CAPN14: variants seen among roughly 807,000 people sequenced by gnomAD.
The protein encoded by CAPN14 is calpain-14.
CAPN14 carries 94 observed loss-of-function variants against 101.3 expected under a neutral mutation model. That is an observed-to-expected ratio of 0.93 (90% CI 0.79 to 1.10). The LOEUF (loss-of-function observed/expected upper bound fraction) is 1.10, where lower values mean the gene tolerates loss of function less well. Ranked by LOEUF, CAPN14 falls within the 50% of genes least tolerant of loss-of-function variation. The pLI is 0.00. For synonymous variants in CAPN14, 338 were observed against 317.9 expected (o/e 1.06, Z -0.67); for missense variants, 837 against 828.4 (o/e 1.01, Z -0.13).
chr2:31,233,658 T>C (rs1369266132), intron 1 of CAPN14: 3 of 151,984 alleles, frequency 2.0e-5, no homozygotes, highest in Non-Finnish European at 4.4e-5. Flanking sequence ...AATAAGTAAA[T>C]GGGAACGATT....
intron 1 of CAPN14, among the ~76,000 whole-genome samples, chr2:31,226,905 T>C (rs1419293307): frequency 1.3e-5 from 2 of 152,064 alleles, no homozygotes; most frequent in South Asian, 2.1e-4. Flanking sequence ...GAGGGGAAAG[T>C]GAGTAGGATG....
At chr2:31,188,422 T>C (rs1419490418) in intron 13 of CAPN14, 68 bp from the exon 14 acceptor site, 2 of 1,411,190 alleles carry the variant, frequency 1.4e-6, no homozygotes, top group East Asian at 5.0e-5. Flanking sequence ...ATCTTCCCCT[T>C]CTCCTGGGAG....
intron 18 of CAPN14, 131 bp from the exon 19 acceptor site, chr2:31,177,952 T>C: frequency 2.9e-6 from 2 of 688,350 alleles, no homozygotes; most frequent in Non-Finnish European, 5.3e-6. Context: ...CAGGGCCTGT[T>C]GCCAGGATAA....
chr2:31,225,032 C>T (rs768270524), intron 2 of CAPN14, among the ~76,000 whole-genome samples: 7 of 151,478 alleles, frequency 4.6e-5, no homozygotes, highest in Non-Finnish European at 7.4e-5. Context: ...AGGTAATTGG[C>T]GAAACATTAA....
intron 1 of CAPN14, among the ~76,000 whole-genome samples, chr2:31,206,265 CG>C (rs572907811): frequency 1.3e-4 from 20 of 152,172 alleles, no homozygotes; most frequent in African/African-American, 4.3e-4. Context: ...AGCTGCGCTC[CG>C]GGTCAAGGGT....
intron 1 of CAPN14, among the ~76,000 whole-genome samples, chr2:31,212,061 C>T (rs1476719114): frequency 6.6e-6 from 1 of 152,096 alleles, no homozygotes; most frequent in Non-Finnish European, 1.5e-5. Context: ...CTCACGTCTG[C>T]AATCCCAGTA....
In CAPN14 at chr2:31,230,155, T is replaced by A. The variant is rs1683146190; in HGVS notation, c.-176-3504A>T. On this transcript the variant is annotated intron_variant and NMD_transcript_variant, in intron 1 of 21. Transcript: ENST00000398824. This position sits in a 1 kb window ranked among gnomAD's most constrained non-coding sequence, Gnocchi z 4.3. ...GGTGTTAAGTCTAGTAACCAATAGTTCTTGCTTTTTGTTCCTCTCCTTCCT... is the reference window on the plus strand; with the variant it reads ...GGTGTTAAGTCTAGTAACCAATAGTACTTGCTTTTTGTTCCTCTCCTTCCT... Among the ~76,000 whole-genome samples, 1 of 152,168 alleles carries A rather than the reference T, an allele frequency of 6.6e-6. No homozygotes were observed. Among genetic ancestry groups the A allele is most frequent in the Non-Finnish European group, 1.5e-5 (1 of 68,038 alleles).
At chr2:31,232,281 G>A (rs895140317) in intron 1 of CAPN14, among the ~76,000 whole-genome samples, 1 of 152,124 alleles carries the variant, frequency 6.6e-6, no homozygotes, top group Non-Finnish European at 1.5e-5. Context: ...CCTAGACTGT[G>A]CCTCACCCTT....
At chr2:31,179,063 TATATATATATATA>T (rs1680457019) in intron 17 of CAPN14, among the ~76,000 whole-genome samples, 1 of 138,138 alleles carries the variant, frequency 7.2e-6, no homozygotes, top group African/African-American at 2.7e-5. Flanking sequence ...TTGAGTTCTA[TATATATATATATA>T]TATATATATA....
chr2:31,191,442 A>AT, intron 11 of CAPN14, 35 bp from the exon 12 acceptor site: 2 of 1,530,898 alleles, frequency 1.3e-6, no homozygotes, highest in Non-Finnish European at 8.8e-7. Flanking sequence ...AAAAAAAAAA[A>AT]AAAGAGGAGA....
chr2:31,217,709 A>C (rs939996245), upstream of CAPN14, among the ~76,000 whole-genome samples: 1 of 152,138 alleles, frequency 6.6e-6, no homozygotes, highest in African/African-American at 2.4e-5. Flanking sequence ...CATACAGAGA[A>C]AGCCTGTTTC....
intron 17 of CAPN14, among the ~76,000 whole-genome samples, chr2:31,180,257 G>T (rs1680522460): frequency 6.6e-6 from 1 of 152,200 alleles, no homozygotes; most frequent in Non-Finnish European, 1.5e-5. Flanking sequence ...GCTGGTGACA[G>T]AGCTGGGACC....
chr2:31,183,277 C>T (rs1369346436), intron 16 of CAPN14, among the ~76,000 whole-genome samples: 1 of 152,138 alleles, frequency 6.6e-6, no homozygotes, highest in East Asian at 1.9e-4. Context: ...TAGGCATGGG[C>T]AAGGACTTCA....
At chr2:31,176,480 A>G (rs1680293311) in intron 21 of CAPN14, 107 bp downstream of exon 21, 2 of 771,958 alleles carry the variant, frequency 2.6e-6, no homozygotes, top group East Asian at 5.4e-5. Flanking sequence ...TTTCCAATTC[A>G]GCAGAATAAA....
intron 12 of CAPN14, 44 bp downstream of exon 12, chr2:31,191,355 A>G: frequency 6.5e-7 from 1 of 1,537,356 alleles, no homozygotes; most frequent in Non-Finnish European, 8.8e-7. Context: ...GCCACATGTG[A>G]TGTCACCCCA....
chr2:31,229,610 T>C (rs377667376), intron 1 of CAPN14, among the ~76,000 whole-genome samples: 5 of 138,158 alleles, frequency 3.6e-5, no homozygotes, highest in Non-Finnish European at 6.0e-5. Context: ...ACCCAGGAAG[T>C]AGAGGTTGCA....
intron 13 of CAPN14, among the ~76,000 whole-genome samples, chr2:31,188,768 G>A (rs1205888641): frequency 6.6e-6 from 1 of 152,140 alleles, no homozygotes; most frequent in Non-Finnish European, 1.5e-5. Flanking sequence ...TAATTCAACT[G>A]GATACAGTAG....
chr2:31,227,861 G>A (rs1255547481), intron 1 of CAPN14, among the ~76,000 whole-genome samples: 1 of 152,242 alleles, frequency 6.6e-6, no homozygotes, highest in African/African-American at 2.4e-5. Context: ...TGTGATGAAT[G>A]CGGTAACAGA....
intron 21 of CAPN14, among the ~76,000 whole-genome samples, chr2:31,175,601 G>A (rs1680251562): frequency 6.6e-6 from 1 of 152,210 alleles, no homozygotes; most frequent in African/African-American, 2.4e-5. Flanking sequence ...ACTCAAGTGT[G>A]GGGCTAAGCA....
Sources: allele counts gnomAD v4.1 joint callset (sites outside exome capture counted in the v4.1 genomes callset), GRCh38; gene constraint gnomAD v4.1.1; non-coding constraint Gnocchi (gnomAD v3.1); transcripts MANE v1.5; gene names NCBI Gene and HGNC (gene_info 2026-07-23, HGNC 2026-07-21).